The following CNTNAP4 variants were observed in gnomAD, a reference collection of about 807,000 sequenced individuals.
CNTNAP4 encodes the protein contactin associated protein family member 4, also known as contactin-associated protein-like 4.
CNTNAP4 carries 98 observed loss-of-function variants against 148.4 expected under a neutral mutation model. The ratio of observed to expected loss-of-function variants is 0.66; its 90% CI spans 0.56 to 0.78. The LOEUF is 0.78. Among genes scored for constraint, CNTNAP4 ranks in the 30% least tolerant of loss-of-function variants. The probability of loss-of-function intolerance (pLI) is 0.00; values close to 1 mark genes in which losing one functional copy is unlikely to be tolerated. For synonymous variants in CNTNAP4, 730 were observed against 565.1 expected, an observed-to-expected ratio of 1.29 and a Z score of -4.14; for missense variants, 1,935 against 1,565.6, an observed-to-expected ratio of 1.24 and a Z score of -3.98.
intron 3 of CNTNAP4, among the ~76,000 whole-genome samples, chr16:76,425,527 T>A (rs544472037): frequency 6.6e-6 from 1 of 151,906 alleles, no homozygotes; most frequent in Non-Finnish European, 1.5e-5. Flanking sequence ...CAGATAATGA[T>A]CAAATAAGAG....
chr16:76,366,860 T>C lies in CNTNAP4; in HGVS notation c.390+11349T>C, dbSNP rs1248838586. ...ATTACTAAAGGACATAGAAGAACAC[T>C]TGATTAAATGCAAGGATGTATCTGC... On this transcript the variant is annotated intron_variant, in intron 3 of 23. Coordinates refer to ENST00000611870, the MANE Select transcript of CNTNAP4 (RefSeq NM_033401.5). Among the ~76,000 whole-genome samples, 8 of 152,116 alleles carry C rather than the reference T, an allele frequency of 5.3e-5. No homozygotes were observed. The South Asian group carries it at 6.2e-4, about 12-fold the overall frequency.
At chr16:76,350,731 C>G (rs1173188269) in intron 2 of CNTNAP4, among the ~76,000 whole-genome samples, 1 of 152,170 alleles carries the variant, frequency 6.6e-6, no homozygotes, top group Non-Finnish European at 1.5e-5. Flanking sequence ...TCAATAGGCA[C>G]TTAATATGCT....
At chr16:76,496,085 T>TTGTGTGTGTGTGTGTG (rs5817999) in intron 14 of CNTNAP4, among the ~76,000 whole-genome samples, 2,015 of 140,134 alleles carry the variant, frequency 0.014, 37 homozygotes, top group African/African-American at 0.041. Flanking sequence ...CAAGATTATG[T>TTGTGTGTGTGTGTGTG]TGTGTGTGTG....
At chr16:76,395,760 G>C (rs1489827515) in intron 3 of CNTNAP4, among the ~76,000 whole-genome samples, 5 of 150,696 alleles carry the variant, frequency 3.3e-5, no homozygotes, top group African/African-American at 1.2e-4. Flanking sequence ...ACAAGGTCTT[G>C]CTCTGTCGCT....
intron 3 of CNTNAP4, among the ~76,000 whole-genome samples, chr16:76,373,740 C>G (rs551375382): frequency 2.0e-5 from 3 of 151,582 alleles, no homozygotes; most frequent in Admixed American, 1.3e-4. Flanking sequence ...ACTAAAAATA[C>G]AAAAATTAGC....
At chr16:76,315,750 A>G (rs1024229101) in intron 1 of CNTNAP4, among the ~76,000 whole-genome samples, 1 of 151,986 alleles carries the variant, frequency 6.6e-6, no homozygotes, top group Non-Finnish European at 1.5e-5. Flanking sequence ...GTGTGCCACC[A>G]CACCCTGCTA....
chr16:76,289,038 A>G (rs1959002865), intron 1 of CNTNAP4, among the ~76,000 whole-genome samples: 3 of 151,702 alleles, frequency 2.0e-5, no homozygotes, highest in Admixed American at 6.6e-5. Flanking sequence ...ACTATTTCTC[A>G]CTATCTCTCT....
chr16:76,559,343 A>G lies in CNTNAP4; in HGVS notation c.*660A>G, dbSNP rs1009499658. 11 of 152,166 alleles carry G rather than the reference A, an allele frequency of 7.2e-5. No individual in the cohort carries two copies. Among genetic ancestry groups the G allele is most frequent in the African/African-American group, 2.2e-4 (9 of 41,450 alleles). The allele number at this position is 152,166 out of a possible 1,614,324, so 9.4% of individuals were successfully genotyped here. ...AGTCTCAGACTTCAACTCTGAACAT[A>G]CAAGTTGTATTTAACAAGACTCAGA... is the stretch of plus-strand genomic sequence containing the variant. On this transcript the variant is annotated 3_prime_UTR_variant, in exon 24 of 24. Coordinates refer to ENST00000611870, the MANE Select transcript of CNTNAP4 (RefSeq NM_033401.5).
intron 2 of CNTNAP4, among the ~76,000 whole-genome samples, chr16:76,337,375 C>G (rs1964108165): frequency 6.6e-6 from 1 of 152,136 alleles, no homozygotes; most frequent in African/African-American, 2.4e-5. Context: ...AATTTTACAG[C>G]TGGACCTCCA....
chr16:76,364,727 TTC>T (rs2013894875), intron 3 of CNTNAP4, among the ~76,000 whole-genome samples: 1 of 152,238 alleles, frequency 6.6e-6, no homozygotes, highest in Non-Finnish European at 1.5e-5. Context: ...ATACTTCCCA[TTC>T]ACTTTGCTAA....
At chr16:76,327,063 A>T (rs11865257) in intron 2 of CNTNAP4, among the ~76,000 whole-genome samples, 1,909 of 152,288 alleles carry the variant, frequency 0.013, 53 homozygotes, top group African/African-American at 0.044. Context: ...CTTTTCCAAC[A>T]TTTATCTTAA....
At chr16:76,478,189 C>T (rs1283758561) in intron 11 of CNTNAP4, among the ~76,000 whole-genome samples, 1 of 152,200 alleles carries the variant, frequency 6.6e-6, no homozygotes, top group Non-Finnish European at 1.5e-5. Context: ...AGAAGTCCTT[C>T]CGAGTAGTCT....
chr16:76,315,162 C>T (rs1961573801), intron 1 of CNTNAP4, among the ~76,000 whole-genome samples: 1 of 152,122 alleles, frequency 6.6e-6, no homozygotes, highest in African/African-American at 2.4e-5. Flanking sequence ...GGTATCTGGT[C>T]GTTAATTTTT....
intron 1 of CNTNAP4, 71 bp from the exon 2 acceptor site, chr16:76,316,342 T>G: frequency 1.1e-6 from 1 of 934,402 alleles, no homozygotes; most frequent in Admixed American, 1.9e-5. Context: ...ACTTGTTGGT[T>G]GTTTTGTCTA....
intron 4 of CNTNAP4, among the ~76,000 whole-genome samples, chr16:76,440,859 C>T (rs1247831171): frequency 6.6e-6 from 1 of 152,022 alleles, no homozygotes; most frequent in African/African-American, 2.4e-5. Context: ...GAGGACATTG[C>T]TTTTTCAAGT....
At chr16:76,501,392 C>T (rs1010718097) in intron 15 of CNTNAP4, among the ~76,000 whole-genome samples, 1 of 152,178 alleles carries the variant, frequency 6.6e-6, no homozygotes, top group Non-Finnish European at 1.5e-5. Flanking sequence ...TTAGCCAAAA[C>T]CCCTGCCTAT....
At chr16:76,391,126 A>G (rs1004408059) in intron 3 of CNTNAP4, among the ~76,000 whole-genome samples, 1 of 152,168 alleles carries the variant, frequency 6.6e-6, no homozygotes, top group Non-Finnish European at 1.5e-5. Context: ...TTTTGTACAC[A>G]TTAACTATCC....
At chr16:76,379,010 G>T (rs12596399) in intron 3 of CNTNAP4, among the ~76,000 whole-genome samples, 24,199 of 152,088 alleles carry the variant, frequency 0.16, 2,528 homozygotes, top group East Asian at 0.45. Context: ...CTCAAAATGT[G>T]ATTGAGACTC....
chr16:76,325,283 CTG>C (rs1962854621), intron 2 of CNTNAP4, among the ~76,000 whole-genome samples: 1 of 151,968 alleles, frequency 6.6e-6, no homozygotes, highest in Non-Finnish European at 1.5e-5. Context: ...TATTTATATA[CTG>C]TGTGTAATGT....
Sources: allele counts gnomAD v4.1 joint callset (sites outside exome capture counted in the v4.1 genomes callset), GRCh38; gene constraint gnomAD v4.1.1; transcripts MANE v1.5; gene names NCBI Gene and HGNC (gene_info 2026-07-23, HGNC 2026-07-21).